ACVR2B: variants seen among roughly 807,000 people sequenced by gnomAD.
The protein encoded by ACVR2B is activin A receptor type 2B.
A neutral mutation model predicts 65.1 loss-of-function variants in ACVR2B; 18 were observed. That is an observed-to-expected ratio of 0.28 (90% confidence interval 0.19 to 0.41). The LOEUF (loss-of-function observed/expected upper bound fraction) is 0.41. Among genes scored for constraint, ACVR2B ranks in the 10% least tolerant of loss-of-function variants. The probability of loss-of-function intolerance (pLI) is 1.00; values close to 1 mark genes in which losing one functional copy is unlikely to be tolerated. For missense variants in ACVR2B, 482 were observed against 682.7 expected (o/e 0.71, Z 3.28); for synonymous variants, 298 against 277.7 (o/e 1.07, Z -0.73).
chr3:38,459,909 ACTC>A (rs926403526), intron 1 of ACVR2B, among the ~76,000 whole-genome samples: 5 of 148,212 alleles, frequency 3.4e-5, no homozygotes, highest in African/African-American at 1.3e-4. Flanking sequence ...TTTATTTTCT[ACTC>A]CTCCCCTGGC....
rs1330773654 is a variant in ACVR2B, at chr3:38,487,616, G to A, written c.*4284G>A. 1 of 152,244 alleles carries A rather than the reference G, an allele frequency of 6.6e-6. No homozygotes were observed. Among genetic ancestry groups the A allele is most frequent in the Non-Finnish European group, 1.5e-5 (1 of 68,050 alleles). 9.4% of individuals were successfully genotyped at this position (152,244 alleles called of 1,614,324 possible). A position where few individuals can be genotyped will look rare whatever the true frequency, so the allele number is the denominator to read the frequency against. ...TTGGCCCCTGTGCTCTGAGCCGTGA[G>A]GGTGGGGAGGTGGCTGTTCCATTAA... On this transcript the variant is annotated 3_prime_UTR_variant, in exon 11 of 11. Coordinates refer to ENST00000352511, the MANE Select transcript of ACVR2B (RefSeq NM_001106.4).
chr3:38,468,026 A>G (rs975914655), intron 1 of ACVR2B, among the ~76,000 whole-genome samples: 1 of 152,070 alleles, frequency 6.6e-6, no homozygotes, highest in African/African-American at 2.4e-5. Context: ...CCACAGGTGC[A>G]AACCACCACA....
intron 5 of ACVR2B, among the ~76,000 whole-genome samples, 164 bp from the exon 6 acceptor site, chr3:38,478,964 C>T (rs1431428517): frequency 6.6e-6 from 1 of 151,008 alleles, no homozygotes; most frequent in Non-Finnish European, 1.5e-5. Context: ...AGGTCTTCTC[C>T]TGGTCCCCTT....
At position 38,481,424 on chromosome 3, in the gene ACVR2B, C is replaced by A; in HGVS notation, c.1033C>A (p.Arg345=). The change falls in exon 8 of 11, where the codon CGA becomes AGA. Residue 345 remains arginine (R), a synonymous_variant. Transcript: ENST00000352511. The surrounding 1 kb of genome is among the most constrained non-coding windows in gnomAD (Gnocchi z 4.7). ...AVLADFGLAV[R]FEPGKPPGDT... ...GCTGGCTGACTTTGGCTTGGCTGTT[C>A]GATTTGAGCCAGGGAAACCTCCAGG... is the stretch of plus-strand genomic sequence containing the variant. The A allele has an allele frequency of 6.2e-7, 1 of 1,614,166 alleles. No homozygotes were observed. The highest frequency in any genetic ancestry group is 1.3e-5 in the African/African-American group (1 of 75,054).
chr3:38,478,260 A>G lies in ACVR2B; in HGVS notation c.490A>G (p.Lys164Glu). The part of the protein sequence containing the change: ...LLAFWMYRHR[K>E]PPYGHVDIHE... ...GGCCTTTTGGATGTACCGGCATCGC[A>G]AGCCCCCCTACGGTCATGTGGACAT... Residue 164 changes from lysine to glutamate, a missense_variant, in exon 4 of 11, where the codon AAG (lysine) becomes GAG (glutamate). Coordinates refer to ENST00000352511, the MANE Select transcript of ACVR2B (RefSeq NM_001106.4). 1 of 1,613,992 alleles carries G rather than the reference A, an allele frequency of 6.2e-7. No individual in the cohort carries two copies. Among genetic ancestry groups the G allele is most frequent in the Admixed American group, 1.7e-5 (1 of 60,012 alleles).
Position 38,487,709 on chromosome 3 carries a change from C to T in ACVR2B, c.*4377C>T, listed in dbSNP as rs1406285146. The T allele has an allele frequency of 6.6e-6, 1 of 152,140 alleles. No homozygotes were observed. The highest frequency in any genetic ancestry group is 2.4e-5 in the African/African-American group (1 of 41,418). 9.4% of individuals were successfully genotyped at this position (152,140 alleles called of 1,614,324 possible). The stretch of plus-strand genomic sequence containing the variant: ...TTTTTTAGTATGCAGTATAAAGTTT[C>T]CAGCATCTATTGGTAACACAAAGAT... On this transcript the variant is annotated 3_prime_UTR_variant, in exon 11 of 11. Transcript: ENST00000352511.
chr3:38,471,016 G>A (rs2276540), intron 1 of ACVR2B, among the ~76,000 whole-genome samples: 63,977 of 151,924 alleles, frequency 0.42, 15,850 homozygotes, highest in Non-Finnish European at 0.57. Flanking sequence ...AGATTGAATT[G>A]GGGGGAGGGA....
chr3:38,468,287 T>C (rs1432582971), intron 1 of ACVR2B, among the ~76,000 whole-genome samples: 1 of 152,216 alleles, frequency 6.6e-6, no homozygotes. Flanking sequence ...ATTGGGCTGT[T>C]TTGGGAATTA....
At position 38,487,245 on chromosome 3, in the gene ACVR2B, A is replaced by G. The variant is rs1043905319; in HGVS notation, c.*3913A>G. On this transcript the variant is annotated 3_prime_UTR_variant, in exon 11 of 11. Coordinates refer to ENST00000352511, the MANE Select transcript of ACVR2B (RefSeq NM_001106.4). ...TCCGGACTTGGGGGTGTTTCTGCAG[A>G]AAAAGGAGGTTGTTTTTCAGCCTTG... 6.6e-6 allele frequency: 1 copy of G among 152,210 alleles called. No individual in the cohort carries two copies. The highest frequency in any genetic ancestry group is 1.5e-5 in the Non-Finnish European group (1 of 68,064). The allele number at this position is 152,210 out of a possible 1,614,324, so 9.4% of individuals were successfully genotyped here.
At chr3:38,482,104 C>T (rs1431604889) in intron 8 of ACVR2B, 94 bp from the exon 9 acceptor site, 12 of 1,570,624 alleles carry the variant, frequency 7.6e-6, no homozygotes, top group East Asian at 6.7e-5. Context: ...CTGTCTTGCC[C>T]GCCATCTGGT....
intron 1 of ACVR2B, among the ~76,000 whole-genome samples, chr3:38,461,525 T>A (rs1416615415): frequency 6.6e-6 from 1 of 152,042 alleles, no homozygotes; most frequent in Non-Finnish European, 1.5e-5. Flanking sequence ...ACCTTCTGGC[T>A]GAGGGTGAGA....
intron 1 of ACVR2B, among the ~76,000 whole-genome samples, chr3:38,460,835 C>T (rs1214918458): frequency 6.6e-6 from 1 of 152,236 alleles, no homozygotes; most frequent in Non-Finnish European, 1.5e-5. Flanking sequence ...CCTCTGCCGA[C>T]TATTTCAGTT....
chr3:38,490,237 C>G lies in ACVR2B; in HGVS notation c.*6905C>G, dbSNP rs1046401539. 1.3e-5 allele frequency: 2 copies of G among 152,134 alleles called. No individual in the cohort carries two copies. The highest frequency in any genetic ancestry group is 2.9e-5 in the Non-Finnish European group (2 of 68,034). 9.4% of individuals were successfully genotyped at this position (152,134 alleles called of 1,614,324 possible). ...TATGCATAATGGCCAGTCCTGAGGCCCAGCTGAAGACCTGTCCCCCAGACC... is the reference window on the plus strand; with the variant it reads ...TATGCATAATGGCCAGTCCTGAGGCGCAGCTGAAGACCTGTCCCCCAGACC... On this transcript the variant is annotated 3_prime_UTR_variant, in exon 11 of 11. Coordinates refer to ENST00000352511, the MANE Select transcript of ACVR2B (RefSeq NM_001106.4).
Position 38,479,155 on chromosome 3 carries a change from G to C in ACVR2B, c.694G>C (p.Glu232Gln). The C allele has an allele frequency of 6.2e-7, 1 of 1,614,172 alleles. No individual in the cohort carries two copies. The change falls in exon 6 of 11, where the codon GAG (glutamate) becomes CAG (glutamine). Residue 232 changes from glutamate (E) to glutamine (Q), a missense_variant. Physicochemically the swap from Glu to Gln is conservative, Grantham distance 29. Coordinates refer to ENST00000352511, the MANE Select transcript of ACVR2B (RefSeq NM_001106.4). ...CAAGCAGTCGTGGCAGAGTGAACGG[G>C]AGATCTTCAGCACACCTGGCATGAA... ...QDKQSWQSER[E>Q]IFSTPGMKHE...
intron 1 of ACVR2B, among the ~76,000 whole-genome samples, chr3:38,456,792 T>C (rs2125711594): frequency 6.6e-6 from 1 of 152,316 alleles, no homozygotes; most frequent in African/African-American, 2.4e-5. Context: ...CATGACTTAA[T>C]CTAACCCTCA....
Position 38,492,865 on chromosome 3 carries a change from T to C in ACVR2B, c.*9533T>C, listed in dbSNP as rs2059824571. On this transcript the variant is annotated 3_prime_UTR_variant, in exon 11 of 11. Transcript: ENST00000352511. ...ATTACAGTTGCAAAATGAAAACATT[T>C]TGGAAAGAACATTGTATCATAGTTC... 1 of 151,536 alleles carries C rather than the reference T, an allele frequency of 6.6e-6. No homozygotes were observed. Among genetic ancestry groups the C allele is most frequent in the Non-Finnish European group, 1.5e-5 (1 of 67,950 alleles). 9.4% of individuals were successfully genotyped at this position (151,536 alleles called of 1,614,324 possible). A position where few individuals can be genotyped will look rare whatever the true frequency, so the allele number is the denominator to read the frequency against.
At position 38,488,673 on chromosome 3, in the gene ACVR2B, AT is replaced by A. The variant is rs1252611130; in HGVS notation, c.*5343del. 2 of 152,140 alleles carry A rather than the reference AT, an allele frequency of 1.3e-5. No homozygotes were observed. Among genetic ancestry groups the A allele is most frequent in the Non-Finnish European group, 2.9e-5 (2 of 68,024 alleles). 9.4% of individuals were successfully genotyped at this position (152,140 alleles called of 1,614,324 possible). A position where few individuals can be genotyped will look rare whatever the true frequency, so the allele number is the denominator to read the frequency against. On this transcript the variant is annotated 3_prime_UTR_variant, in exon 11 of 11. Coordinates refer to ENST00000352511, the MANE Select transcript of ACVR2B (RefSeq NM_001106.4). ...GGTATGAATGAAACATGACTTTTTG[AT>A]TGTGGTACTTCCTGTATCCCCTGTA...
intron 1 of ACVR2B, among the ~76,000 whole-genome samples, chr3:38,460,801 G>A (rs580741): frequency 4.6e-5 from 7 of 152,202 alleles, no homozygotes; most frequent in Admixed American, 6.5e-5. Flanking sequence ...TTTGTGAGGC[G>A]AGCTCATGCT....
intron 1 of ACVR2B, among the ~76,000 whole-genome samples, chr3:38,469,893 G>T (rs1709791814): frequency 6.6e-6 from 1 of 151,956 alleles, no homozygotes; most frequent in Non-Finnish European, 1.5e-5. Context: ...AAGTACAGAA[G>T]TATCAAAATT....
Sources: allele counts gnomAD v4.1 joint callset (sites outside exome capture counted in the v4.1 genomes callset), GRCh38; gene constraint gnomAD v4.1.1; non-coding constraint Gnocchi (gnomAD v3.1); transcripts MANE v1.5; gene names NCBI Gene and HGNC (gene_info 2026-07-23, HGNC 2026-07-21).